The following LRTM3 variants were observed in gnomAD, a reference collection of about 807,000 sequenced individuals.
The protein encoded by LRTM3 is leucine-rich repeat transmembrane protein 3.
the LRTM3 span, chr13:102,733,183 T>C: frequency 3.1e-5 from 48 of 1,551,348 alleles, no homozygotes; most frequent in Non-Finnish European, 8.7e-7. Context: ...GTTCACACCG[T>C]CGGATCACTT....
the LRTM3 span, chr13:102,741,177 T>C: frequency 6.5e-7 from 1 of 1,549,252 alleles, no homozygotes; most frequent in East Asian, 2.4e-5. Context: ...CTCAATTTTT[T>C]TGAAAAGTCC....
the LRTM3 span, chr13:102,742,509 G>T: frequency 6.5e-7 from 1 of 1,550,266 alleles, no homozygotes; most frequent in African/African-American, 1.4e-5. Flanking sequence ...TGAAGTGGAT[G>T]TATCTTAGAG....
At chr13:102,745,298 A>C in the LRTM3 span, 1 of 1,550,744 alleles carries the variant, frequency 6.4e-7, no homozygotes, top group East Asian at 2.4e-5. Context: ...ACGTGAAGTA[A>C]TACTATCTTC....
the LRTM3 span, chr13:102,732,970 T>G: frequency 6.4e-7 from 1 of 1,551,418 alleles, no homozygotes; most frequent in Admixed American, 2.0e-5. Context: ...CACCTTCCTC[T>G]TGTTCTGAAA....
the LRTM3 span, chr13:102,739,648 T>C: frequency 6.5e-7 from 1 of 1,550,296 alleles, no homozygotes. Context: ...ATGACTTCCT[T>C]GGCTTCAAAA....
chr13:102,749,615 G>A, the LRTM3 span: 1 of 1,551,344 alleles, frequency 6.4e-7, no homozygotes, highest in Non-Finnish European at 8.7e-7. Context: ...CAGATCTTGG[G>A]ACTGGAAGGA....
chr13:102,754,042 C>G, the LRTM3 span, among the ~76,000 whole-genome samples: 107,527 of 151,724 alleles, frequency 0.71, 39,537 homozygotes, highest in South Asian at 0.84. Context: ...CCCAACTCTA[C>G]TAAAAATACA....
At chr13:102,734,515 A>G in the LRTM3 span, 1 of 1,551,322 alleles carries the variant, frequency 6.4e-7, no homozygotes, top group South Asian at 1.2e-5. Flanking sequence ...TGTGGAGCAT[A>G]CAGGAACGAG....
chr13:102,741,185 T>C, the LRTM3 span: 1 of 1,549,370 alleles, frequency 6.5e-7, no homozygotes, highest in Non-Finnish European at 8.7e-7. Flanking sequence ...TTTTGAAAAG[T>C]CCATTTTCTG....
the LRTM3 span, chr13:102,734,209 C>A: frequency 1.9e-6 from 3 of 1,551,396 alleles, no homozygotes; most frequent in Non-Finnish European, 2.6e-6. Flanking sequence ...TCACTTCATG[C>A]CTGTTTTCTT....
the LRTM3 span, chr13:102,741,297 T>C: frequency 1.9e-6 from 3 of 1,550,212 alleles, no homozygotes; most frequent in South Asian, 2.4e-5. Flanking sequence ...CTTGCTGTAT[T>C]CACTGCCTGT....
At chr13:102,750,159 T>C in the LRTM3 span, 2 of 1,551,234 alleles carry the variant, frequency 1.3e-6, no homozygotes, top group East Asian at 2.4e-5. Context: ...GGATGCTCTG[T>C]ATGGCTTAGA....
chr13:102,751,879 C>A, the LRTM3 span, among the ~76,000 whole-genome samples: 39 of 152,280 alleles, frequency 2.6e-4, no homozygotes, highest in African/African-American at 8.7e-4. Flanking sequence ...CCAAAGGAAT[C>A]TTGAAAAATG....
the LRTM3 span, chr13:102,732,544 A>G: frequency 3.2e-6 from 5 of 1,551,270 alleles, no homozygotes; most frequent in Non-Finnish European, 4.4e-6. Context: ...TTTGTAGTTG[A>G]ATGCTTTGTT....
At chr13:102,731,451 G>T in the LRTM3 span, 19 of 1,551,286 alleles carry the variant, frequency 1.2e-5, no homozygotes, top group South Asian at 2.1e-4. Context: ...TGACTAGTAA[G>T]CTTATTTTTT....
the LRTM3 span, chr13:102,736,171 T>A: frequency 6.5e-7 from 1 of 1,546,534 alleles, no homozygotes; most frequent in Non-Finnish European, 8.7e-7. Flanking sequence ...GCTTTGGTTG[T>A]GAAGGAGAGA....
chr13:102,729,672 T>C, the LRTM3 span: 1 of 1,551,436 alleles, frequency 6.4e-7, no homozygotes, highest in Non-Finnish European at 8.7e-7. Flanking sequence ...TTTTGTTTTC[T>C]TTCAGAATAG....
chr13:102,742,810 T>A, the LRTM3 span: 1 of 1,550,436 alleles, frequency 6.4e-7, no homozygotes. Context: ...GGACAATTGC[T>A]GCCAAATTAC....
chr13:102,737,407 G>C, the LRTM3 span: 1 of 1,550,852 alleles, frequency 6.4e-7, no homozygotes, highest in Non-Finnish European at 8.7e-7. Context: ...AATGTAGGAA[G>C]AGAACTGTTT....
Sources: allele counts gnomAD v4.1 joint callset (sites outside exome capture counted in the v4.1 genomes callset), GRCh38; gene constraint gnomAD v4.1.1; transcripts MANE v1.5; gene names NCBI Gene and HGNC (gene_info 2026-07-23, HGNC 2026-07-21).